Variants in UBE3C observed in about 807,000 individuals in gnomAD.
UBE3C encodes the protein ubiquitin protein ligase E3C, also known as ubiquitin-protein ligase E3C.
Under a neutral mutation model 129.4 loss-of-function variants are expected in UBE3C, and 42 were observed. That is an observed-to-expected ratio of 0.32 (90% CI 0.25 to 0.42). UBE3C has a LOEUF of 0.42. UBE3C is among the 10% of genes least tolerant of loss of function. UBE3C has a pLI of 1.00. For synonymous variants in UBE3C, 510 were observed against 492.4 expected, an observed-to-expected ratio of 1.04 and a Z score of -0.47; for missense variants, 1,049 against 1,319.1, an observed-to-expected ratio of 0.80 and a Z score of 3.17.
intron 10 of UBE3C, among the ~76,000 whole-genome samples, chr7:157,195,491 A>G (rs753759609): frequency 1.2e-4 from 18 of 152,308 alleles, no homozygotes; most frequent in South Asian, 2.1e-4. Context: ...AACTGAAAGG[A>G]GGGTGCCTGG....
At chr7:157,226,932 C>G (rs757728644) in intron 17 of UBE3C, among the ~76,000 whole-genome samples, 24 of 152,134 alleles carry the variant, frequency 1.6e-4, no homozygotes, top group Non-Finnish European at 3.2e-4. Flanking sequence ...CCTAATCTAA[C>G]TAATCGTCTA....
intron 1 of UBE3C, among the ~76,000 whole-genome samples, chr7:157,159,339 G>C (rs1469728152): frequency 1.3e-5 from 2 of 149,842 alleles, no homozygotes; most frequent in African/African-American, 5.0e-5. Context: ...AAAAAAAACA[G>C]AATTAGGATT....
At chr7:157,197,761 TC>T (rs1253447495) in intron 10 of UBE3C, 2 of 1,612,566 alleles carry the variant, frequency 1.2e-6, no homozygotes, top group African/African-American at 2.7e-5. Context: ...ACATCCAGGA[TC>T]CTGTGTGTAC....
At chr7:157,195,203 G>A (rs919769852) in intron 10 of UBE3C, among the ~76,000 whole-genome samples, 3 of 152,136 alleles carry the variant, frequency 2.0e-5, no homozygotes, top group Non-Finnish European at 2.9e-5. Context: ...AATTAGAGAC[G>A]GGATTTTCCA....
At chr7:157,227,712 A>G (rs1795919379) in intron 17 of UBE3C, among the ~76,000 whole-genome samples, 1 of 152,112 alleles carries the variant, frequency 6.6e-6, no homozygotes, top group African/African-American at 2.4e-5. Flanking sequence ...AAAAAAAAAG[A>G]AAAAACTACT....
Position 157,247,414 on chromosome 7 carries a change from G to A in UBE3C, c.2482-954G>A, listed in dbSNP as rs75775370. Reference sequence around the variant, plus strand: ...TGTCTTTATTAGAAAACTTTTGGCCGGGCAGGATGGCTCACACCTATAATC... The same window carrying A: ...TGTCTTTATTAGAAAACTTTTGGCCAGGCAGGATGGCTCACACCTATAATC... On this transcript the variant is annotated intron_variant, in intron 18 of 22. Coordinates refer to ENST00000348165, the MANE Select transcript of UBE3C (RefSeq NM_014671.3). 4.4e-3 allele frequency among the ~76,000 whole-genome samples: 670 copies of A among 152,244 alleles called. 13 individuals carry two copies. In the South Asian group the frequency reaches 0.046, roughly 10 times the overall value.
intron 22 of UBE3C, among the ~76,000 whole-genome samples, chr7:157,264,558 C>T (rs964425985): frequency 6.6e-6 from 1 of 151,756 alleles, no homozygotes; most frequent in African/African-American, 2.4e-5. Context: ...TGTGAGCCAA[C>T]ATGCTCAGCC....
intron 18 of UBE3C, among the ~76,000 whole-genome samples, chr7:157,241,986 C>G (rs149480884): frequency 1.3e-5 from 2 of 152,102 alleles, no homozygotes; most frequent in Non-Finnish European, 2.9e-5. Flanking sequence ...GGTGAGTGAT[C>G]GCCAGGGCTG....
In UBE3C at chr7:157,147,839, T is replaced by G. The variant is rs1248177017; in HGVS notation, c.66+8501T>G. ...CAGCTTGTGGATATGATGGATCACA[T>G]TAAGTCATTTTAGAATATTGAGCCC... On this transcript the variant is annotated intron_variant, in intron 1 of 22. Transcript: ENST00000348165. Among the ~76,000 whole-genome samples, 2 of 152,246 alleles carry G rather than the reference T, an allele frequency of 1.3e-5. 1 individual carries two copies. The highest frequency in any genetic ancestry group is 4.8e-5 in the African/African-American group (2 of 41,468).
intron 16 of UBE3C, among the ~76,000 whole-genome samples, chr7:157,224,775 TACAC>T (rs34300175): frequency 2.7e-5 from 4 of 146,936 alleles, no homozygotes; most frequent in African/African-American, 1.0e-4. Flanking sequence ...TGCACGTGCG[TACAC>T]ACACACACAC....
At chr7:157,240,367 A>G (rs1406859756) in intron 18 of UBE3C, among the ~76,000 whole-genome samples, 2 of 152,178 alleles carry the variant, frequency 1.3e-5, no homozygotes, top group African/African-American at 2.4e-5. Flanking sequence ...CAAGCTGTGA[A>G]TAGGCTTCAA....
At chr7:157,179,117 C>A (rs1401842905) in intron 6 of UBE3C, among the ~76,000 whole-genome samples, 1 of 151,772 alleles carries the variant, frequency 6.6e-6, no homozygotes. Context: ...CATATGCTTT[C>A]ATCAGTTGTC....
Position 157,167,096 on chromosome 7 carries a change from A to C in UBE3C, c.121-1952A>C, listed in dbSNP as rs1808237999. Among the ~76,000 whole-genome samples, 3 of 151,642 alleles carry C rather than the reference A, an allele frequency of 2.0e-5. No homozygotes were observed. In the South Asian group the frequency reaches 6.2e-4, roughly 32 times the overall value. On this transcript the variant is annotated intron_variant, in intron 2 of 22. Transcript: ENST00000348165. Reference sequence around the variant, plus strand: ...AGGCGTGCACCACCATGCCCAGCTAATTTTTTGTATTTTTAGTAGAGATGG... The same window carrying C: ...AGGCGTGCACCACCATGCCCAGCTACTTTTTTGTATTTTTAGTAGAGATGG...
intron 18 of UBE3C, among the ~76,000 whole-genome samples, chr7:157,242,781 G>T (rs1796373666): frequency 6.6e-6 from 1 of 152,112 alleles, no homozygotes; most frequent in South Asian, 2.1e-4. Flanking sequence ...GTCGAGCCAG[G>T]TCTGGTGGCT....
At chr7:157,251,279 G>C (rs1215144677) in intron 19 of UBE3C, among the ~76,000 whole-genome samples, 1 of 152,098 alleles carries the variant, frequency 6.6e-6, no homozygotes, top group Non-Finnish European at 1.5e-5. Context: ...TTAAAATATG[G>C]TGCTGCTCTC....
intron 22 of UBE3C, among the ~76,000 whole-genome samples, chr7:157,265,673 C>T (rs1352125879): frequency 2.0e-5 from 3 of 152,170 alleles, no homozygotes; most frequent in East Asian, 1.9e-4. Context: ...AAGCACGGCA[C>T]GGAATACTGT....
chr7:157,168,079 C>T (rs915576754), intron 2 of UBE3C, among the ~76,000 whole-genome samples: 2 of 151,884 alleles, frequency 1.3e-5, no homozygotes, highest in South Asian at 2.1e-4. Flanking sequence ...TAGCCGGGCA[C>T]GGTGGCTCAT....
At chr7:157,160,634 A>G (rs563699740) in intron 1 of UBE3C, among the ~76,000 whole-genome samples, 1 of 152,274 alleles carries the variant, frequency 6.6e-6, no homozygotes, top group Non-Finnish European at 1.5e-5. Flanking sequence ...GGTGTCTGCA[A>G]AATTTCTCCC....
intron 18 of UBE3C, among the ~76,000 whole-genome samples, chr7:157,247,890 G>A (rs1044461413): frequency 1.3e-5 from 2 of 151,876 alleles, no homozygotes; most frequent in African/African-American, 4.8e-5. Flanking sequence ...CTGTGGGCAC[G>A]GCCTTGTTTG....
Sources: allele counts gnomAD v4.1 joint callset (sites outside exome capture counted in the v4.1 genomes callset), GRCh38; gene constraint gnomAD v4.1.1; transcripts MANE v1.5; gene names NCBI Gene and HGNC (gene_info 2026-07-23, HGNC 2026-07-21).